The following JAM3 variants were observed in gnomAD, a reference collection of about 807,000 sequenced individuals.
The protein encoded by JAM3 is junctional adhesion molecule C.
In JAM3, 31 loss-of-function variants were observed where a neutral mutation model predicts 39.4. That is an observed-to-expected ratio of 0.79 (90% CI 0.59 to 1.06). The LOEUF is 1.06. Among genes scored for constraint, JAM3 ranks in the 50% least tolerant of loss-of-function variants. JAM3 has a pLI of 0.00. For missense variants in JAM3, 455 were observed against 391.4 expected (o/e 1.16, Z -1.37); for synonymous variants, 182 against 148.7 (o/e 1.22, Z -1.63).
At chr11:134,074,634 T>G (rs963241354) in intron 1 of JAM3, among the ~76,000 whole-genome samples, 3 of 152,116 alleles carry the variant, frequency 2.0e-5, no homozygotes, top group African/African-American at 7.2e-5. Flanking sequence ...ATTACCGGCC[T>G]CCCCCCTTCT....
At chr11:134,135,520 G>T (rs146140897) in intron 1 of JAM3, among the ~76,000 whole-genome samples, 1 of 151,526 alleles carries the variant, frequency 6.6e-6, no homozygotes, top group East Asian at 2.0e-4. Flanking sequence ...TGAGAGCACA[G>T]ATTTTTATCT....
chr11:134,083,045 A>T (rs763195299), intron 1 of JAM3, among the ~76,000 whole-genome samples: 2 of 152,190 alleles, frequency 1.3e-5, no homozygotes, highest in Non-Finnish European at 2.9e-5. Context: ...GTCATTTTCT[A>T]TGTATATTTC....
chr11:134,080,792 G>A (rs972903605), intron 1 of JAM3, among the ~76,000 whole-genome samples: 3 of 152,192 alleles, frequency 2.0e-5, no homozygotes, highest in Admixed American at 6.5e-5. Flanking sequence ...AAGAGACTTT[G>A]GAACTGGGTA....
At chr11:134,144,075 G>T (rs1269575351) in intron 3 of JAM3, among the ~76,000 whole-genome samples, 166 bp from the exon 4 acceptor site, 6 of 151,270 alleles carry the variant, frequency 4.0e-5, no homozygotes, top group African/African-American at 9.7e-5. Flanking sequence ...AATAGGTCAT[G>T]GTTCCTGTCC....
At chr11:134,101,447 C>G (rs1006151048) in intron 1 of JAM3, among the ~76,000 whole-genome samples, 5 of 152,158 alleles carry the variant, frequency 3.3e-5, no homozygotes, top group African/African-American at 1.2e-4. Flanking sequence ...GTGGAGTGTT[C>G]TTTCCATCCT....
intron 1 of JAM3, among the ~76,000 whole-genome samples, chr11:134,087,316 T>C (rs1243752080): frequency 2.6e-5 from 4 of 152,178 alleles, no homozygotes; most frequent in Admixed American, 2.6e-4. Context: ...TATTTCTGTT[T>C]AAGAATCAGA....
chr11:134,149,646 C>G lies in JAM3; in HGVS notation c.*465C>G, dbSNP rs1943154675. ...CCAGAAAAGGCTTCTTACACAGCAG[C>G]CTTACTTCATCGGCCCACAGACACC... is the stretch of plus-strand genomic sequence containing the variant. On this transcript the variant is annotated 3_prime_UTR_variant, in exon 9 of 9. Transcript: ENST00000299106. 1 of 458,698 alleles carries G rather than the reference C, an allele frequency of 2.2e-6. No homozygotes were observed. The highest frequency in any genetic ancestry group is 2.0e-5 in the African/African-American group (1 of 50,212). The allele number at this position is 458,698 out of a possible 1,614,324, so 28.4% of individuals were successfully genotyped here.
At chr11:134,129,559 T>C (rs1942724444) in intron 1 of JAM3, among the ~76,000 whole-genome samples, 1 of 152,180 alleles carries the variant, frequency 6.6e-6, no homozygotes, top group South Asian at 2.1e-4. Context: ...AAGTCATTGG[T>C]CCCTAGATAG....
intron 1 of JAM3, among the ~76,000 whole-genome samples, chr11:134,125,708 TACTC>T (rs1942635730): frequency 1.3e-5 from 2 of 152,142 alleles, no homozygotes; most frequent in Non-Finnish European, 2.9e-5. Context: ...GCCCCGACAA[TACTC>T]AGGAGAATGT....
intron 1 of JAM3, among the ~76,000 whole-genome samples, chr11:134,117,120 G>C (rs1478026989): frequency 1.3e-5 from 2 of 151,784 alleles, no homozygotes; most frequent in Admixed American, 1.3e-4. Flanking sequence ...CCAGCACTTT[G>C]GGAGGCTGAG....
At chr11:134,137,617 G>T (rs1483642636) in intron 1 of JAM3, among the ~76,000 whole-genome samples, 1 of 152,128 alleles carries the variant, frequency 6.6e-6, no homozygotes, top group Non-Finnish European at 1.5e-5. Flanking sequence ...TGCTCATACT[G>T]AGAGAAATGT....
intron 1 of JAM3, among the ~76,000 whole-genome samples, chr11:134,084,673 GCTT>G (rs1301914406): frequency 6.6e-6 from 1 of 152,080 alleles, no homozygotes. Context: ...CAGTTCATTT[GCTT>G]CTTAATTATT....
chr11:134,091,830 GT>G (rs1319192972), intron 1 of JAM3, among the ~76,000 whole-genome samples: 9 of 124,812 alleles, frequency 7.2e-5, no homozygotes, highest in Admixed American at 2.2e-4. Context: ...GTGTTTGGGG[GT>G]GTGGGTTTTT....
intron 1 of JAM3, among the ~76,000 whole-genome samples, chr11:134,136,178 T>C (rs915693628): frequency 3.3e-5 from 5 of 152,156 alleles, no homozygotes; most frequent in South Asian, 2.1e-4. Flanking sequence ...TTTGACAAAT[T>C]AGCAGTTTTC....
chr11:134,148,402 G>A (rs1421500139), intron 6 of JAM3, 145 bp from the exon 7 acceptor site: 1 of 881,384 alleles, frequency 1.1e-6, no homozygotes, highest in Non-Finnish European at 1.9e-6. Context: ...AGGATTGTAA[G>A]TGTTCTCTCT....
intron 1 of JAM3, among the ~76,000 whole-genome samples, chr11:134,076,058 T>C (rs1941563691): frequency 6.6e-6 from 1 of 151,954 alleles, no homozygotes; most frequent in African/African-American, 2.4e-5. Flanking sequence ...CCACCAATTA[T>C]ATTATTCATT....
At chr11:134,105,521 GAAAT>G (rs1942167332) in intron 1 of JAM3, among the ~76,000 whole-genome samples, 1 of 152,224 alleles carries the variant, frequency 6.6e-6, no homozygotes, top group East Asian at 1.9e-4. Flanking sequence ...GCAGGAGAAA[GAAAT>G]AAAGGGTATT....
chr11:134,070,102 C>CT (rs1189293104), intron 1 of JAM3: 1 of 455,286 alleles, frequency 2.2e-6, no homozygotes, highest in Non-Finnish European at 4.4e-6. Flanking sequence ...CTACTAGGCA[C>CT]TTTGGAGCCA....
At chr11:134,133,663 T>A (rs1370567804) in intron 1 of JAM3, among the ~76,000 whole-genome samples, 1 of 152,164 alleles carries the variant, frequency 6.6e-6, no homozygotes, top group Non-Finnish European at 1.5e-5. Flanking sequence ...TAGTCATCTT[T>A]CCACCCAAGG....
Sources: gnomAD v4.1 joint callset for allele counts (sites outside exome capture counted in the v4.1 genomes callset) on GRCh38, gnomAD v4.1.1 for gene constraint, MANE v1.5 for transcripts, NCBI Gene and HGNC (gene_info 2026-07-23, HGNC 2026-07-21) for gene names.